Variants in STAT1 observed in about 807,000 individuals in gnomAD.
STAT1 encodes signal transducer and activator of transcription 1-alpha/beta.
STAT1 carries 24 observed loss-of-function variants against 111.7 expected under a neutral mutation model. The ratio of observed to expected loss-of-function variants is 0.21; its 90% CI spans 0.16 to 0.30. The LOEUF (loss-of-function observed/expected upper bound fraction) is 0.30, where lower values mean the gene tolerates loss of function less well. Among genes scored for constraint, STAT1 ranks in the 10% least tolerant of loss-of-function variants. The probability of loss-of-function intolerance (pLI) is 1.00; values close to 1 mark genes in which losing one functional copy is unlikely to be tolerated. For synonymous variants in STAT1, 332 were observed against 326.5 expected (o/e 1.02, Z -0.18); for missense variants, 351 against 911.9 (o/e 0.38, Z 7.92).
At chr2:190,985,240 A>G (rs960061870) in intron 15 of STAT1, among the ~76,000 whole-genome samples, 2 of 152,324 alleles carry the variant, frequency 1.3e-5, no homozygotes, top group East Asian at 3.9e-4. Context: ...CTCTTGGCAC[A>G]CAGCAAGGCA....
chr2:190,992,859 G>A (rs536707616), intron 10 of STAT1: 58 of 300,168 alleles, frequency 1.9e-4, no homozygotes, highest in Middle Eastern at 2.0e-3. Context: ...GCGCAATCTC[G>A]GCTCACTGCA....
chr2:191,013,408 A>G (rs1559028017), intron 2 of STAT1, 117 bp downstream of exon 2: 4 of 382,052 alleles, frequency 1.0e-5, no homozygotes, highest in Non-Finnish European at 1.8e-5. Context: ...TGCAAAAACT[A>G]AACATCACTT....
At position 190,986,502 on chromosome 2, in the gene STAT1, A is replaced by G. The variant is rs776271415; in HGVS notation, c.1221+352T>C. The stretch of plus-strand genomic sequence containing the variant: ...AGTGAACCCTGGTGTACAGGACCAC[A>G]CTTGGATCACAGTCAGGACACGGGA... On this transcript the variant is annotated intron_variant, in intron 14 of 24. Transcript: ENST00000361099. The surrounding 1 kb of genome is among the most constrained non-coding windows in gnomAD (Gnocchi z 5.0). Among the ~76,000 whole-genome samples the G allele has an allele frequency of 2.0e-5, 3 of 152,204 alleles. No homozygotes were observed. The highest frequency in any genetic ancestry group is 4.4e-5 in the Non-Finnish European group (3 of 68,020).
intron 5 of STAT1, among the ~76,000 whole-genome samples, chr2:191,005,389 T>C (rs1164235630): frequency 2.0e-5 from 3 of 152,244 alleles, no homozygotes; most frequent in Non-Finnish European, 4.4e-5. Context: ...GGACCGCGTA[T>C]ATGACAGTGG....
rs1268147189 is a variant in STAT1 at position 190,977,268 on chromosome 2, A to G, written c.1874-243T>C. ...TATTTGCCATTATTTGCTTAGATTT[A>G]TAAATCTGGGCAAAAAAGATTTATT... is the stretch of plus-strand genomic sequence containing the variant. On this transcript the variant is annotated intron_variant, in intron 21 of 24. Transcript: ENST00000361099. The surrounding 1 kb of genome is among the most constrained non-coding windows in gnomAD (Gnocchi z 4.7). Among the ~76,000 whole-genome samples the G allele has an allele frequency of 6.6e-6, 1 of 152,228 alleles. No homozygotes were observed. The highest frequency in any genetic ancestry group is 1.9e-4 in the East Asian group (1 of 5,206).
At position 191,000,980 on chromosome 2, in the gene STAT1, A is replaced by T; in HGVS notation, c.462+94T>A. The T allele has an allele frequency of 9.4e-7, 1 of 1,059,894 alleles. No individual in the cohort carries two copies. The allele number at this position is 1,059,894 out of a possible 1,614,324, so 65.7% of individuals were successfully genotyped here. On this transcript the variant is annotated intron_variant, in intron 6 of 24. Coordinates refer to ENST00000361099, the MANE Select transcript of STAT1 (RefSeq NM_007315.4). The surrounding 1 kb of genome is among the most constrained non-coding windows in gnomAD (Gnocchi z 4.8). ...TTCTTCCCAACTACTTAAAAGACTG[A>T]ACTCAGTTACGAGGTTTACACCCCA... is the stretch of plus-strand genomic sequence containing the variant.
At position 190,982,568 on chromosome 2, in the gene STAT1, A is replaced by G. The variant is rs763663436; in HGVS notation, c.1447-50T>C. On this transcript the variant is annotated intron_variant, in intron 17 of 24. Transcript: ENST00000361099. The surrounding 1 kb of genome is among the most constrained non-coding windows in gnomAD (Gnocchi z 7.3). ...AAGGGTTACTACAGAGACACCAGTCACAAGTGTGGCACTAAAACATATGTC... is the reference window on the plus strand; with the variant it reads ...AAGGGTTACTACAGAGACACCAGTCGCAAGTGTGGCACTAAAACATATGTC... 5.0e-6 allele frequency: 8 copies of G among 1,605,638 alleles called. No individual in the cohort carries two copies. Among genetic ancestry groups the G allele is most frequent in the Non-Finnish European group, 6.8e-6 (8 of 1,172,338 alleles).
In STAT1 at chr2:191,004,040, G is replaced by A. The variant is rs2125087621; in HGVS notation, c.373-2877C>T. Among the ~76,000 whole-genome samples, 1 of 152,290 alleles carries A rather than the reference G, an allele frequency of 6.6e-6. No homozygotes were observed. The highest frequency in any genetic ancestry group is 1.5e-5 in the Non-Finnish European group (1 of 68,030). Reference sequence around the variant, plus strand: ...TGCTTGGTGGAAAAACCTGGTGACTGTGGCAGGGCCTAAGAAATCTCCTGC... The same window carrying A: ...TGCTTGGTGGAAAAACCTGGTGACTATGGCAGGGCCTAAGAAATCTCCTGC... On this transcript the variant is annotated intron_variant, in intron 5 of 24. Transcript: ENST00000361099. This position sits in a 1 kb window ranked among gnomAD's most constrained non-coding sequence, Gnocchi z 5.0.
chr2:190,986,002 C>T lies in STAT1; in HGVS notation c.1222-342G>A, dbSNP rs938769736. 1.3e-5 allele frequency among the ~76,000 whole-genome samples: 2 copies of T among 152,218 alleles called. No individual in the cohort carries two copies. Among genetic ancestry groups the T allele is most frequent in the Non-Finnish European group, 2.9e-5 (2 of 68,046 alleles). On this transcript the variant is annotated intron_variant, in intron 14 of 24. Transcript: ENST00000361099. The surrounding 1 kb of genome is among the most constrained non-coding windows in gnomAD (Gnocchi z 5.0). ...AGCTTCTCCCTCCCCTTTCCCTCAG[C>T]AGAGTCCTCCAGGCTGGGCCCAGTG... is the stretch of plus-strand genomic sequence containing the variant.
At position 190,996,166 on chromosome 2, in the gene STAT1, A is replaced by G. The variant is rs1162458856; in HGVS notation, c.786-947T>C. On this transcript the variant is annotated intron_variant, in intron 9 of 24. Coordinates refer to ENST00000361099, the MANE Select transcript of STAT1 (RefSeq NM_007315.4). This position sits in a 1 kb window ranked among gnomAD's most constrained non-coding sequence, Gnocchi z 4.5. ...TGCTCAGTCTAGACCCTAAACATAAAAAGCCAATGAGTAAACCCAGTGATT... is the reference window on the plus strand; with the variant it reads ...TGCTCAGTCTAGACCCTAAACATAAGAAGCCAATGAGTAAACCCAGTGATT... 1.3e-5 allele frequency among the ~76,000 whole-genome samples: 2 copies of G among 152,190 alleles called. No individual in the cohort carries two copies. Among genetic ancestry groups the G allele is most frequent in the Non-Finnish European group, 2.9e-5 (2 of 68,030 alleles).
Position 191,001,126 on chromosome 2 carries a change from T to C in STAT1, c.410A>G (p.Asp137Gly). The change falls in exon 6 of 25, where the codon GAC becomes GGC. Residue 137 changes from aspartate to glycine, a missense_variant. Around this residue, in one of 7 missense-constraint regions of STAT1, gnomAD observed 20 missense variants for 18.4 expected, o/e 1.09. Coordinates refer to ENST00000361099, the MANE Select transcript of STAT1 (RefSeq NM_007315.4). ...SGNIQSTVML[D>G]KQKELDSKVR... ...TTTACTGTCAAGCTCTTTCTGTTTG[T>C]CTAACATCACTGTGCTCTGAATATT... 6.2e-7 allele frequency: 1 copy of C among 1,614,150 alleles called. No individual in the cohort carries two copies. The highest frequency in any genetic ancestry group is 8.5e-7 in the Non-Finnish European group (1 of 1,179,978).
rs13027303 is a variant in STAT1 at position 190,993,085 on chromosome 2, G to A, written c.945-1765C>T. On this transcript the variant is annotated intron_variant, in intron 10 of 24. Transcript: ENST00000361099. This position sits in a 1 kb window ranked among gnomAD's most constrained non-coding sequence, Gnocchi z 4.1. ...GATTACAGGCATGAGCCACCGTGCC[G>A]GGCCTTGTTGCATTCCTAGCACTAG... 0.053 allele frequency: 19,940 copies of A among 374,096 alleles called. 699 individuals are homozygous for A. Among genetic ancestry groups the A allele is most frequent in the Middle Eastern group, 0.12 (207 of 1,752 alleles). The allele number at this position is 374,096 out of a possible 1,614,324, so 23.2% of individuals were successfully genotyped here. A position where few individuals can be genotyped will look rare whatever the true frequency, so the allele number is the denominator to read the frequency against.
rs1368576382 is a variant in STAT1 at position 190,984,278 on chromosome 2, A to T, written c.1347+32T>A. ...TAACAATTAAAAGTAAAAATAATGA[A>T]GTTTTCCAACTCGGGACCATAAAAG... On this transcript the variant is annotated intron_variant, in intron 16 of 24. Transcript: ENST00000361099. The surrounding 1 kb of genome is among the most constrained non-coding windows in gnomAD (Gnocchi z 5.2). 4.6e-6 allele frequency: 7 copies of T among 1,523,946 alleles called. No homozygotes were observed. The South Asian group carries it at 6.7e-5, about 15-fold the overall frequency. The allele number at this position is 1,523,946 out of a possible 1,614,324, so 94.4% of individuals were successfully genotyped here.
chr2:190,976,022 C>A lies in STAT1; in HGVS notation c.2060-135G>T. ...CTCCTAAAACTTTAAGGAGCTATAACCTCCCTGCCTGAGTCACCTAAAATT... is the reference window on the plus strand; with the variant it reads ...CTCCTAAAACTTTAAGGAGCTATAAACTCCCTGCCTGAGTCACCTAAAATT... On this transcript the variant is annotated intron_variant, in intron 22 of 24. Transcript: ENST00000361099. This position sits in a 1 kb window ranked among gnomAD's most constrained non-coding sequence, Gnocchi z 6.0. 1.3e-6 allele frequency: 1 copy of A among 761,300 alleles called. No individual in the cohort carries two copies. The highest frequency in any genetic ancestry group is 2.7e-5 in the East Asian group (1 of 37,202). The allele number at this position is 761,300 out of a possible 1,614,324, so 47.2% of individuals were successfully genotyped here. A position where few individuals can be genotyped will look rare whatever the true frequency, so the allele number is the denominator to read the frequency against.
Position 190,970,646 on chromosome 2 carries a change from G to C in STAT1, c.*57C>G. 3 of 1,570,808 alleles carry C rather than the reference G, an allele frequency of 1.9e-6. No homozygotes were observed. The highest frequency in any genetic ancestry group is 2.2e-5 in the East Asian group (1 of 44,622). ...GATGTGAAGGAACAGAGTAGCAGGAGGGAATCACAGATGAGAAGGAAAACT... is the reference window on the plus strand; with the variant it reads ...GATGTGAAGGAACAGAGTAGCAGGACGGAATCACAGATGAGAAGGAAAACT... On this transcript the variant is annotated 3_prime_UTR_variant, in exon 25 of 25. Coordinates refer to ENST00000361099, the MANE Select transcript of STAT1 (RefSeq NM_007315.4). The surrounding 1 kb of genome is among the most constrained non-coding windows in gnomAD (Gnocchi z 5.4).
rs2125094488 is a variant in STAT1 at position 191,006,659 on chromosome 2, G to C, written c.372+904C>G. Among the ~76,000 whole-genome samples the C allele has an allele frequency of 6.6e-6, 1 of 152,308 alleles. No individual in the cohort carries two copies. The highest frequency in any genetic ancestry group is 1.5e-5 in the Non-Finnish European group (1 of 68,028). ...CTCCAGAACAATCCATAACATGGTG[G>C]CTTCACACTGCCTGCCTGTTGGCTT... On this transcript the variant is annotated intron_variant, in intron 5 of 24. Transcript: ENST00000361099. This position sits in a 1 kb window ranked among gnomAD's most constrained non-coding sequence, Gnocchi z 4.6.
rs201698540 is a variant in STAT1 at position 190,985,674 on chromosome 2, A to C, written c.1222-14T>G. On this transcript the variant is annotated splice_polypyrimidine_tract_variant and intron_variant, in intron 14 of 24. Coordinates refer to ENST00000361099, the MANE Select transcript of STAT1 (RefSeq NM_007315.4). ...TTCTTTCAATTGCTATAAAACAAAT[A>C]ATCATCTTAGTAAACACCATGGTAA... 1.3e-4 allele frequency: 214 copies of C among 1,613,826 alleles called. No homozygotes were observed. The highest frequency in any genetic ancestry group is 1.3e-3 in the East Asian group (59 of 44,892).
rs1422938821 is a variant in STAT1 at position 190,994,939 on chromosome 2, T to A, written c.944+122A>T. ...CAAAAAAAAAAAAAATATATATATA[T>A]ATATATATATATATATATAAAAAAC... On this transcript the variant is annotated intron_variant, in intron 10 of 24. Coordinates refer to ENST00000361099, the MANE Select transcript of STAT1 (RefSeq NM_007315.4). 2.7e-3 allele frequency: 515 copies of A among 189,168 alleles called. 10 individuals are homozygous for A. Among genetic ancestry groups the A allele is most frequent in the African/African-American group, 0.011 (338 of 30,134 alleles). 11.7% of individuals were successfully genotyped at this position (189,168 alleles called of 1,614,324 possible).
In STAT1 at chr2:190,980,715, T is replaced by G; in HGVS notation, c.1583-46A>C. 1 of 1,595,474 alleles carries G rather than the reference T, an allele frequency of 6.3e-7. No individual in the cohort carries two copies. ...TTTTTCAGCAAACAGAAACTGATTC[T>G]AAAGCTTTGGTTGGACGGATGGCTC... On this transcript the variant is annotated intron_variant, in intron 18 of 24. Transcript: ENST00000361099. This position sits in a 1 kb window ranked among gnomAD's most constrained non-coding sequence, Gnocchi z 6.1.
Sources: allele counts gnomAD v4.1 joint callset (sites outside exome capture counted in the v4.1 genomes callset), GRCh38; gene constraint gnomAD v4.1.1; regional missense constraint gnomAD v4.1.1; non-coding constraint Gnocchi (gnomAD v3.1); transcripts MANE v1.5; gene names NCBI Gene and HGNC (gene_info 2026-07-23, HGNC 2026-07-21).